The following ARL10 variants were observed in gnomAD, a reference collection of about 807,000 sequenced individuals.
ARL10 encodes the protein ADP-ribosylation factor-like protein 10.
In ARL10, 23 loss-of-function variants were observed where a neutral mutation model predicts 26.1. That is an observed-to-expected ratio of 0.88 (90% confidence interval 0.63 to 1.25). The LOEUF is 1.25. Ranked by LOEUF, ARL10 falls within the 50% of genes most tolerant of loss-of-function variation. ARL10 has a pLI of 0.00. For synonymous variants in ARL10, 138 were observed against 149.1 expected (o/e 0.93, Z 0.54); for missense variants, 300 against 323.6 (o/e 0.93, Z 0.56).
At chr5:176,393,061 GC>G (rs1216104150), downstream of ARL10, 14 of 1,198,392 alleles carry the variant, frequency 1.2e-5, no homozygotes, top group Admixed American at 1.5e-4. This position sits in a 1 kb window ranked among gnomAD's most constrained non-coding sequence, Gnocchi z 4.4. Flanking sequence ...CCAGCCTTGT[GC>G]CCCCCTGACT....
At chr5:176,388,595 G>A (rs892294018) in exon 2 of ARL10, 10 of 1,514,744 alleles carry the variant, frequency 6.6e-6, no homozygotes, top group Non-Finnish European at 9.1e-6. Flanking sequence ...CTCAGACCTC[G>A]TGTAACAAAC....
At chr5:176,402,313 A>G (rs962847179), downstream of ARL10, among the ~76,000 whole-genome samples, 4 of 152,206 alleles carry the variant, frequency 2.6e-5, no homozygotes, top group African/African-American at 9.7e-5. Flanking sequence ...ATAAATAAAT[A>G]AAAATAAAAT....
At position 176,376,539 on chromosome 5, in the gene ARL10, G is replaced by A. The variant is rs1768698237; in HGVS notation, c.*4644G>A. 1 of 152,188 alleles carries A rather than the reference G, an allele frequency of 6.6e-6. No homozygotes were observed. The highest frequency in any genetic ancestry group is 2.4e-5 in the African/African-American group (1 of 41,438). 9.4% of individuals were successfully genotyped at this position (152,188 alleles called of 1,614,324 possible). ...AGAGCATTAGCCTTTGCTAAAGCCG[G>A]CCCCAGATTATGGTCCCACGGATTT... On this transcript the variant is annotated 3_prime_UTR_variant, in exon 4 of 4. Coordinates refer to ENST00000310389, the MANE Select transcript of ARL10 (RefSeq NM_173664.6).
downstream of ARL10, among the ~76,000 whole-genome samples, chr5:176,382,848 C>G (rs186163460): frequency 2.6e-3 from 398 of 152,312 alleles, no homozygotes; most frequent in African/African-American, 9.0e-3. Flanking sequence ...CATAAAGACA[C>G]ATGCTAAGGG....
rs1490538033 is a variant in ARL10 at position 176,378,097 on chromosome 5, C to T, written c.*6202C>T. 2 of 152,198 alleles carry T rather than the reference C, an allele frequency of 1.3e-5. No homozygotes were observed. Among genetic ancestry groups the T allele is most frequent in the African/African-American group, 4.8e-5 (2 of 41,424 alleles). 9.4% of individuals were successfully genotyped at this position (152,198 alleles called of 1,614,324 possible). A position where few individuals can be genotyped will look rare whatever the true frequency, so the allele number is the denominator to read the frequency against. ...CTTTTAACAATAGAAGTTTCAAGGG[C>T]TCAGGAAGGACCAGGGGGCCATCTA... On this transcript the variant is annotated 3_prime_UTR_variant, in exon 4 of 4. Transcript: ENST00000310389.
At chr5:176,388,307 C>G (rs941448956) in exon 2 of ARL10, 33 of 1,614,062 alleles carry the variant, frequency 2.0e-5, no homozygotes, top group Non-Finnish European at 2.8e-5. Flanking sequence ...TCTGCCGTAC[C>G]GATTTAGCGT....
chr5:176,396,657 G>C, intron 1 of ARL10: 1 of 757,196 alleles, frequency 1.3e-6, no homozygotes, highest in Non-Finnish European at 2.3e-6. Context: ...GAAATGTTAG[G>C]AAGCATAGTT....
At chr5:176,384,139 G>A (rs779612099), downstream of ARL10, 2 of 1,612,848 alleles carry the variant, frequency 1.2e-6, no homozygotes, top group Non-Finnish European at 1.7e-6. Context: ...AGCTCCTCTG[G>A]AGCCACACAG....
At chr5:176,398,171 T>C in intron 1 of ARL10, 1 of 779,768 alleles carries the variant, frequency 1.3e-6, no homozygotes, top group Non-Finnish European at 2.2e-6. Flanking sequence ...ACCCACTGTC[T>C]CTGGTGACTA....
At chr5:176,386,416 G>A (rs1017686842), downstream of ARL10, 8 of 278,434 alleles carry the variant, frequency 2.9e-5, no homozygotes, top group Non-Finnish European at 5.1e-5. Context: ...CCACTTTCCT[G>A]TAGGGTTTAC....
intron 3 of ARL10, among the ~76,000 whole-genome samples, chr5:176,371,409 A>G (rs1478288695): frequency 6.6e-6 from 1 of 152,124 alleles, no homozygotes; most frequent in Non-Finnish European, 1.5e-5. Flanking sequence ...ATGCAATGAA[A>G]AGAGGTTGGT....
chr5:176,366,063 G>A (rs994636714), intron 1 of ARL10, among the ~76,000 whole-genome samples: 1 of 152,158 alleles, frequency 6.6e-6, no homozygotes, highest in Non-Finnish European at 1.5e-5. Context: ...CAGCCGGGTC[G>A]GCTCGCGCCC....
At chr5:176,392,632 C>G, downstream of ARL10, 1 of 948,390 alleles carries the variant, frequency 1.1e-6, no homozygotes, top group East Asian at 2.6e-5. The surrounding 1 kb of genome is among the most constrained non-coding windows in gnomAD (Gnocchi z 5.2). Context: ...GGGTGAGGGC[C>G]CCCCTCCCAG....
At chr5:176,387,084 TTTTTTC>T (rs1018138327) in intron 1 of ARL10, 25 of 587,634 alleles carry the variant, frequency 4.3e-5, no homozygotes, top group Non-Finnish European at 6.0e-5. Context: ...CTCTCTTTTT[TTTTTTC>T]TTTTTCTTTT....
intron 1 of ARL10, chr5:176,397,559 CCCCCCTCATGTCCCCATGG>C (rs768953714): frequency 9.8e-6 from 10 of 1,020,396 alleles, no homozygotes; most frequent in Non-Finnish European, 1.4e-5. Flanking sequence ...GTCCCCACAG[CCCCCCTCATGTCCCCATGG>C]CCCCCTCATG....
Position 176,371,749 on chromosome 5 carries a change from GA to G in ARL10, c.590del (p.Glu197GlyfsTer108). ...QDLSEAMSMG[E>X]LQRELGLQAI... ...CCTGAGCGAGGCCATGAGTATGGGG[GA>G]GCTGCAGCGGGAGCTGGGTCTACAG... On this transcript the variant is annotated frameshift_variant, in exon 4 of 4. Transcript: ENST00000310389. LOFTEE classifies it high-confidence loss of function. 6.2e-7 allele frequency: 1 copy of G among 1,614,228 alleles called. No homozygotes were observed. The highest frequency in any genetic ancestry group is 1.1e-5 in the South Asian group (1 of 91,092).
intron 1 of ARL10, among the ~76,000 whole-genome samples, chr5:176,398,879 G>T (rs1756678256): frequency 6.6e-6 from 1 of 151,708 alleles, no homozygotes; most frequent in South Asian, 2.1e-4. Context: ...GTGTCCCTCT[G>T]TTTCCCAGGC....
At chr5:176,411,943 G>C in the ARL10 span, among the ~76,000 whole-genome samples, 2 of 152,118 alleles carry the variant, frequency 1.3e-5, no homozygotes, top group African/African-American at 4.8e-5. Context: ...TTGGGAGGCT[G>C]AGGTGGGCAG....
intron 1 of ARL10, chr5:176,396,603 G>T: frequency 9.2e-7 from 1 of 1,089,020 alleles, no homozygotes; most frequent in Non-Finnish European, 1.4e-6. Flanking sequence ...GCAGGCAGAA[G>T]GTTAGAGAGA....
Sources: gnomAD v4.1 joint callset for allele counts (sites outside exome capture counted in the v4.1 genomes callset) on GRCh38, gnomAD v4.1.1 for gene constraint, Gnocchi (gnomAD v3.1) non-coding constraint, MANE v1.5 for transcripts, NCBI Gene and HGNC (gene_info 2026-07-23, HGNC 2026-07-21) for gene names.